The following ARHGEF9 variants were observed in gnomAD, a reference collection of about 807,000 sequenced individuals.
ARHGEF9 encodes Cdc42 guanine nucleotide exchange factor 9, also known as rho guanine nucleotide exchange factor 9.
ARHGEF9 carries 2 observed loss-of-function variants against 41.3 expected under a neutral mutation model. The observed-to-expected ratio is 0.05, with a 90% CI of 0.02 to 0.15. The LOEUF (loss-of-function observed/expected upper bound fraction) is 0.15. Among genes scored for constraint, ARHGEF9 ranks in the 10% least tolerant of loss-of-function variants. ARHGEF9 has a pLI of 1.00. For synonymous variants in ARHGEF9, 160 were observed against 154.4 expected (o/e 1.04, Z -0.27); for missense variants, 225 against 424.7 (o/e 0.53, Z 4.13).
At chrX:63,668,364 C>T (rs1161820847) in intron 6 of ARHGEF9, among the ~76,000 whole-genome samples, 1 of 111,153 alleles carries the variant, frequency 9.0e-6, no homozygotes, top group Non-Finnish European at 1.9e-5. Context: ...TCTCAAACTC[C>T]TGACCTCAAG....
chrX:63,712,275 G>A (rs1376971654), intron 2 of ARHGEF9, among the ~76,000 whole-genome samples: 1 of 111,665 alleles, frequency 9.0e-6, no homozygotes, highest in Non-Finnish European at 1.9e-5. Context: ...TCGTAGGTGC[G>A]TACTCAAGAG....
intron 2 of ARHGEF9, among the ~76,000 whole-genome samples, chrX:63,723,903 C>A (rs1421308255): frequency 8.9e-6 from 1 of 112,315 alleles, no homozygotes; most frequent in African/African-American, 3.2e-5. Context: ...ACCTTACATG[C>A]CACTTGCTTC....
At chrX:63,726,239 A>G (rs1316744858) in intron 1 of ARHGEF9, among the ~76,000 whole-genome samples, 2 of 112,236 alleles carry the variant, frequency 1.8e-5, no homozygotes, top group South Asian at 3.7e-4. Context: ...CCTTTCAAAT[A>G]CCTCATGCTT....
chrX:63,776,999 C>T (rs781872812), intron 1 of ARHGEF9, among the ~76,000 whole-genome samples: 20 of 111,825 alleles, frequency 1.8e-4, no homozygotes, highest in African/African-American at 3.9e-4. Context: ...CATCTCCTCC[C>T]GCTAAATCCT....
chrX:63,648,825 A>C lies in ARHGEF9; in HGVS notation c.1322-4777T>G, dbSNP rs1291199675. 2.7e-5 allele frequency among the ~76,000 whole-genome samples: 3 copies of C among 111,736 alleles called. 1 individual carries two copies. Among genetic ancestry groups the C allele is most frequent in the Non-Finnish European group, 5.6e-5 (3 of 53,179 alleles). On this transcript the variant is annotated intron_variant, in intron 8 of 9. Coordinates refer to ENST00000671741, the MANE Select transcript of ARHGEF9 (RefSeq NM_001353921.2). ...CCTAGTCTTGGTTAAAACAGACTTT[A>C]AACCAACAAAGATCAAAAGAGACAA...
At chrX:63,733,118 G>T (rs781971178) in intron 1 of ARHGEF9, among the ~76,000 whole-genome samples, 9 of 112,344 alleles carry the variant, frequency 8.0e-5, no homozygotes, top group African/African-American at 2.6e-4. Context: ...TAAAACATAA[G>T]CTTAATCCAT....
chrX:63,686,059 T>G (rs1251399154), intron 4 of ARHGEF9, among the ~76,000 whole-genome samples: 3 of 111,956 alleles, frequency 2.7e-5, no homozygotes, highest in Non-Finnish European at 5.6e-5. Context: ...AAAGGAATAC[T>G]GGCACTTGCA....
intron 4 of ARHGEF9, among the ~76,000 whole-genome samples, chrX:63,688,236 AAAC>A (rs1190968931): frequency 2.7e-5 from 3 of 111,031 alleles, no homozygotes; most frequent in Non-Finnish European, 3.8e-5. Flanking sequence ...GAAAAAAACA[AAAC>A]AACAACAACA....
chrX:63,753,656 A>C (rs2055793246), intron 1 of ARHGEF9, among the ~76,000 whole-genome samples: 1 of 110,719 alleles, frequency 9.0e-6, no homozygotes, highest in African/African-American at 3.3e-5. Context: ...TTGCCAGTTC[A>C]AAAAATCAGA....
chrX:63,674,530 T>G (rs1336367697), intron 5 of ARHGEF9, among the ~76,000 whole-genome samples: 1 of 109,801 alleles, frequency 9.1e-6, no homozygotes, highest in East Asian at 2.9e-4. Context: ...AGACTAAGAG[T>G]TTTTAAGGAT....
At chrX:63,749,515 G>T (rs1336164746) in intron 1 of ARHGEF9, among the ~76,000 whole-genome samples, 1 of 112,489 alleles carries the variant, frequency 8.9e-6, no homozygotes, top group Non-Finnish European at 1.9e-5. Flanking sequence ...ACAGGCGTGA[G>T]CCACCACGTC....
At chrX:63,644,635 G>A (rs1264263597) in intron 8 of ARHGEF9, among the ~76,000 whole-genome samples, 3 of 107,945 alleles carry the variant, frequency 2.8e-5, no homozygotes, top group Non-Finnish European at 5.8e-5. Context: ...CAAACTTCAG[G>A]ATAAAAAAAA....
chrX:63,701,946 T>C (rs2052212408), intron 3 of ARHGEF9, among the ~76,000 whole-genome samples: 1 of 112,315 alleles, frequency 8.9e-6, no homozygotes, highest in South Asian at 3.7e-4. Flanking sequence ...TTATACAATG[T>C]GTTATCATTT....
chrX:63,739,156 C>T (rs2147710761), intron 1 of ARHGEF9, among the ~76,000 whole-genome samples: 1 of 111,960 alleles, frequency 8.9e-6, no homozygotes, highest in East Asian at 2.8e-4. Flanking sequence ...TTTCAGCCAA[C>T]CCCTTAGGCA....
intron 4 of ARHGEF9, among the ~76,000 whole-genome samples, chrX:63,681,628 TA>T (rs1162382129): frequency 4.5e-5 from 5 of 110,184 alleles, no homozygotes; most frequent in African/African-American, 9.9e-5. Context: ...TTGATAGCAT[TA>T]AAAAAAATCT....
At chrX:63,717,893 G>C (rs1463690174) in intron 2 of ARHGEF9, among the ~76,000 whole-genome samples, 1 of 111,661 alleles carries the variant, frequency 9.0e-6, no homozygotes, top group Non-Finnish European at 1.9e-5. Flanking sequence ...AATCCAGAAA[G>C]ATTATCTCCA....
intron 1 of ARHGEF9, among the ~76,000 whole-genome samples, chrX:63,776,997 C>G (rs1292804547): frequency 8.9e-6 from 1 of 111,802 alleles, no homozygotes; most frequent in Non-Finnish European, 1.9e-5. Flanking sequence ...GTCATCTCCT[C>G]CCGCTAAATC....
At chrX:63,756,875 A>T (rs1391007674) in intron 1 of ARHGEF9, among the ~76,000 whole-genome samples, 1 of 111,623 alleles carries the variant, frequency 9.0e-6, no homozygotes, top group Non-Finnish European at 1.9e-5. Context: ...AACCCACTGC[A>T]TCCTGGCTTT....
At chrX:63,715,169 T>C (rs1403893336) in intron 2 of ARHGEF9, among the ~76,000 whole-genome samples, 1 of 112,228 alleles carries the variant, frequency 8.9e-6, no homozygotes, top group Non-Finnish European at 1.9e-5. Flanking sequence ...TTCATGGAAT[T>C]ATCCTGCTTA....
Sources: gnomAD v4.1 joint callset for allele counts (sites outside exome capture counted in the v4.1 genomes callset) on GRCh38, gnomAD v4.1.1 for gene constraint, MANE v1.5 for transcripts, NCBI Gene and HGNC (gene_info 2026-07-23, HGNC 2026-07-21) for gene names.